Variants in RAB28 observed in about 807,000 individuals in gnomAD.
RAB28 encodes RAB28, member RAS oncogene family.
A neutral mutation model predicts 31.7 loss-of-function variants in RAB28; 24 were observed. That is an observed-to-expected ratio of 0.76 (90% CI 0.55 to 1.06). The LOEUF (loss-of-function observed/expected upper bound fraction) is 1.06. RAB28 is among the 50% of genes least tolerant of loss of function. The probability of loss-of-function intolerance (pLI) is 0.00; values close to 1 mark genes in which losing one functional copy is unlikely to be tolerated. For synonymous variants in RAB28, 100 were observed against 90.4 expected, an observed-to-expected ratio of 1.11 and a Z score of -0.60; for missense variants, 254 against 258.5, an observed-to-expected ratio of 0.98 and a Z score of 0.12.
At chr4:13,453,277 T>A (rs895114275) in intron 4 of RAB28, among the ~76,000 whole-genome samples, 1 of 152,202 alleles carries the variant, frequency 6.6e-6, no homozygotes, top group African/African-American at 2.4e-5. Context: ...TCAAAATTAT[T>A]ATTGACAGGT....
intron 4 of RAB28, among the ~76,000 whole-genome samples, chr4:13,417,896 G>C (rs997042702): frequency 3.3e-5 from 5 of 152,220 alleles, no homozygotes; most frequent in African/African-American, 1.2e-4. Context: ...GATGGAGAAT[G>C]ACTTTGATGA....
At chr4:13,381,793 TAG>T (rs1228611319) in intron 4 of RAB28, among the ~76,000 whole-genome samples, 199 bp from the exon 5 acceptor site, 1 of 152,108 alleles carries the variant, frequency 6.6e-6, no homozygotes, top group African/African-American at 2.4e-5. Flanking sequence ...ACCTATTTTG[TAG>T]AGAGTTATTT....
At chr4:13,468,085 C>T (rs561079474) in intron 3 of RAB28, among the ~76,000 whole-genome samples, 2 of 151,942 alleles carry the variant, frequency 1.3e-5, no homozygotes, top group African/African-American at 4.8e-5. Context: ...TATATATGCA[C>T]CTAATAAGAG....
chr4:13,403,648 C>T (rs1368584541), intron 4 of RAB28, among the ~76,000 whole-genome samples: 4 of 152,164 alleles, frequency 2.6e-5, no homozygotes, highest in Non-Finnish European at 5.9e-5. Context: ...ATAAAATCTT[C>T]CTTGCCCACT....
intron 4 of RAB28, among the ~76,000 whole-genome samples, chr4:13,422,044 C>T (rs911165860): frequency 5.3e-5 from 8 of 150,310 alleles, no homozygotes; most frequent in Admixed American, 5.3e-4. Flanking sequence ...AGAACTTAAA[C>T]AAACTTACAA....
chr4:13,379,652 T>A (rs1729053654), intron 5 of RAB28, among the ~76,000 whole-genome samples: 1 of 152,092 alleles, frequency 6.6e-6, no homozygotes, highest in Non-Finnish European at 1.5e-5. Context: ...AGATGGTTGG[T>A]GGTTAGTGAT....
chr4:13,387,210 T>C (rs965662385), intron 4 of RAB28, among the ~76,000 whole-genome samples: 2 of 152,070 alleles, frequency 1.3e-5, no homozygotes, highest in African/African-American at 2.4e-5. Flanking sequence ...AGTGTAACTA[T>C]GTAACAAACC....
At chr4:13,444,894 T>G (rs1188648678) in intron 4 of RAB28, among the ~76,000 whole-genome samples, 1 of 151,928 alleles carries the variant, frequency 6.6e-6, no homozygotes, top group Non-Finnish European at 1.5e-5. Flanking sequence ...TTGGTGGTGT[T>G]CTCTGTATTT....
chr4:13,408,064 T>C (rs1712205103), intron 4 of RAB28, among the ~76,000 whole-genome samples: 1 of 152,192 alleles, frequency 6.6e-6, no homozygotes, highest in South Asian at 2.1e-4. Flanking sequence ...ATAGGAGTGG[T>C]GAGAGAGGAA....
chr4:13,458,727 TAGAC>T (rs1475482652), intron 4 of RAB28, among the ~76,000 whole-genome samples: 2 of 152,230 alleles, frequency 1.3e-5, no homozygotes, highest in Non-Finnish European at 2.9e-5. Context: ...TTTCTATGCT[TAGAC>T]AGATAAATAC....
chr4:13,460,368 C>T (rs983700613), intron 4 of RAB28, among the ~76,000 whole-genome samples: 6 of 152,132 alleles, frequency 3.9e-5, no homozygotes, highest in African/African-American at 1.2e-4. Context: ...CTTATGAAGG[C>T]ATTAATCCCA....
chr4:13,415,217 T>C (rs1712681601), intron 4 of RAB28, among the ~76,000 whole-genome samples: 1 of 152,150 alleles, frequency 6.6e-6, no homozygotes, highest in Non-Finnish European at 1.5e-5. Context: ...AATATGTAAG[T>C]AGTATTGAGA....
intron 4 of RAB28, among the ~76,000 whole-genome samples, chr4:13,415,501 C>A (rs1156619716): frequency 6.6e-6 from 1 of 152,148 alleles, no homozygotes; most frequent in Non-Finnish European, 1.5e-5. Context: ...GCCCGGCCAG[C>A]CCTGCCGGCC....
intron 5 of RAB28, among the ~76,000 whole-genome samples, chr4:13,378,070 C>T (rs139743092): frequency 6.6e-6 from 1 of 152,210 alleles, no homozygotes; most frequent in Non-Finnish European, 1.5e-5. Context: ...ATATAAGAGT[C>T]TACAGTTCAG....
At position 13,376,618 on chromosome 4, in the gene RAB28, A is replaced by T; in HGVS notation, c.500T>A (p.Phe167Tyr). The T allele has an allele frequency of 1.9e-6, 3 of 1,599,032 alleles. No homozygotes were observed. Among genetic ancestry groups the T allele is most frequent in the Non-Finnish European group, 2.6e-6 (3 of 1,173,704 alleles). ...AGCAGCAACTTTCTGAAAGCACAGG[A>T]AGACCTACATAACAAAAATGGGTTT... ...FVSAKTGDSVFLCFQKVAAEI... is the reference protein window; with the variant it reads ...FVSAKTGDSVYLCFQKVAAEI... The change falls in exon 6 of 7, where the codon TTC becomes TAC. Residue 167 changes from phenylalanine (F) to tyrosine (Y), a missense_variant. By Grantham distance (22) the Phe-to-Tyr change is conservative. Transcript: ENST00000330852.
At chr4:13,369,184 C>T (rs1216620458) in intron 6 of RAB28, among the ~76,000 whole-genome samples, 4 of 152,032 alleles carry the variant, frequency 2.6e-5, no homozygotes, top group Admixed American at 6.6e-5. Context: ...ATTTTTAAAT[C>T]TTTTCCAACT....
rs371023748 is a variant in RAB28, at chr4:13,464,326, A to T, written c.262-3498T>A. Among the ~76,000 whole-genome samples the T allele has an allele frequency of 2.6e-5, 4 of 152,202 alleles. No individual in the cohort carries two copies. The East Asian group carries it at 7.7e-4, about 29-fold the overall frequency. ...GAAATATGCCCAGAGCATTATCCAT[A>T]AAAAAGGCATACTCTGCAGAATAAA... On this transcript the variant is annotated intron_variant, in intron 3 of 6. Coordinates refer to ENST00000330852, the MANE Select transcript of RAB28 (RefSeq NM_001017979.3).
At chr4:13,404,761 C>T (rs2108903455) in intron 4 of RAB28, among the ~76,000 whole-genome samples, 1 of 152,196 alleles carries the variant, frequency 6.6e-6, no homozygotes, top group East Asian at 1.9e-4. Flanking sequence ...CAAAATTATA[C>T]CAATCAACTC....
intron 4 of RAB28, among the ~76,000 whole-genome samples, chr4:13,443,837 C>G (rs1356271026): frequency 6.6e-6 from 1 of 152,104 alleles, no homozygotes; most frequent in Non-Finnish European, 1.5e-5. Context: ...CATCTACCCA[C>G]TGTCTCCAGC....
Sources: allele counts gnomAD v4.1 joint callset (sites outside exome capture counted in the v4.1 genomes callset), GRCh38; gene constraint gnomAD v4.1.1; transcripts MANE v1.5; gene names NCBI Gene and HGNC (gene_info 2026-07-23, HGNC 2026-07-21).